The following OCA2 variants were observed in gnomAD, a reference collection of about 807,000 sequenced individuals.
OCA2 encodes OCA2 melanosomal transmembrane protein.
OCA2 carries 77 observed loss-of-function variants against 100.2 expected under a neutral mutation model. The observed-to-expected ratio is 0.77, with a 90% confidence interval of 0.64 to 0.93. The LOEUF (loss-of-function observed/expected upper bound fraction) is 0.93, where lower values mean the gene tolerates loss of function less well. Ranked by LOEUF, OCA2 falls within the 40% of genes least tolerant of loss-of-function variation. The pLI, the probability that OCA2 is intolerant of heterozygous loss-of-function variation, is 0.00. For missense variants in OCA2, 1,062 were observed against 1,089.1 expected (o/e 0.98, Z 0.35); for synonymous variants, 432 against 439.2 (o/e 0.98, Z 0.21).
chr15:27,970,405 T>G (rs140642162), intron 14 of OCA2, among the ~76,000 whole-genome samples: 8 of 151,560 alleles, frequency 5.3e-5, no homozygotes, highest in Admixed American at 2.6e-4. Flanking sequence ...GGAAAAGCAG[T>G]AGTGGAGGAG....
At chr15:28,005,052 G>A (rs1039751592) in intron 9 of OCA2, among the ~76,000 whole-genome samples, 3 of 152,058 alleles carry the variant, frequency 2.0e-5, no homozygotes, top group Admixed American at 1.3e-4. Context: ...TGCCGGCCTC[G>A]CCTCGCACTG....
intron 19 of OCA2, among the ~76,000 whole-genome samples, chr15:27,885,289 A>G (rs2037180097): frequency 6.6e-6 from 1 of 152,170 alleles, no homozygotes; most frequent in South Asian, 2.1e-4. Flanking sequence ...CCTGCCTATT[A>G]TCAGCACTAT....
chr15:27,912,433 T>A (rs1012617053), intron 19 of OCA2, among the ~76,000 whole-genome samples: 2 of 152,008 alleles, frequency 1.3e-5, no homozygotes, highest in East Asian at 3.8e-4. Context: ...TGAAAATTGA[T>A]GAGGATGTGT....
intron 19 of OCA2, chr15:27,896,076 G>A: frequency 8.4e-7 from 1 of 1,191,008 alleles, no homozygotes; most frequent in Non-Finnish European, 1.2e-6. Flanking sequence ...GACTGGCAAG[G>A]AATACAATGT....
At chr15:27,731,322 T>A in the OCA2 span, among the ~76,000 whole-genome samples, 1 of 152,222 alleles carries the variant, frequency 6.6e-6, no homozygotes, top group African/African-American at 2.4e-5. Context: ...TAGTTCTCAG[T>A]GAGAAAATTA....
At chr15:27,731,121 T>C in the OCA2 span, among the ~76,000 whole-genome samples, 16 of 152,304 alleles carry the variant, frequency 1.1e-4, no homozygotes, top group Admixed American at 2.0e-4. Flanking sequence ...GTTAGTACAC[T>C]GGCTGTAAGT....
At chr15:27,926,081 C>T (rs1441654579) in intron 19 of OCA2, 46 bp downstream of exon 19, 1 of 1,607,910 alleles carries the variant, frequency 6.2e-7, no homozygotes, top group Non-Finnish European at 8.5e-7. Context: ...ACATGAAATA[C>T]AAAAATCAGG....
intron 10 of OCA2, 87 bp from the exon 11 acceptor site, chr15:27,989,753 C>T (rs759256229): frequency 7.4e-5 from 89 of 1,210,222 alleles, no homozygotes; most frequent in Non-Finnish European, 1.0e-4. Flanking sequence ...CTGCTGCAGA[C>T]CCACTCAGTG....
At chr15:27,947,611 C>T (rs1350833173) in intron 18 of OCA2, among the ~76,000 whole-genome samples, 10 of 152,228 alleles carry the variant, frequency 6.6e-5, no homozygotes, top group Non-Finnish European at 1.5e-5. Context: ...GGTGCGGTCG[C>T]ATGGCCTCGG....
At chr15:27,776,059 G>C (rs1393983768) in intron 23 of OCA2, among the ~76,000 whole-genome samples, 7 of 152,242 alleles carry the variant, frequency 4.6e-5, no homozygotes, top group Admixed American at 6.5e-5. Context: ...CCAACATTGA[G>C]TTTAGTCCTT....
rs2043492641 is a variant in OCA2 at position 28,050,931 on chromosome 15, C to T, written c.228-18768G>A. 2.0e-5 allele frequency among the ~76,000 whole-genome samples: 3 copies of T among 152,136 alleles called. No individual in the cohort carries two copies. The South Asian group carries it at 6.2e-4, about 31-fold the overall frequency. ...CCCGCCCCATCCTTGCCCTGCAGCA[C>T]CCCTCCTCTGCCCTGCACCCCCTAC... On this transcript the variant is annotated intron_variant, in intron 2 of 23. Transcript: ENST00000354638.
chr15:27,843,984 T>C (rs1048001175), intron 23 of OCA2, among the ~76,000 whole-genome samples: 3 of 152,182 alleles, frequency 2.0e-5, no homozygotes, highest in Non-Finnish European at 2.9e-5. Flanking sequence ...CCTGTGCAAA[T>C]GTACAAAGAA....
intron 1 of OCA2, among the ~76,000 whole-genome samples, chr15:28,097,844 G>A (rs755957899): frequency 6.6e-6 from 1 of 152,178 alleles, no homozygotes; most frequent in Non-Finnish European, 1.5e-5. Flanking sequence ...CAGTGGGAAG[G>A]CCTTGGCAGT....
At chr15:27,993,004 G>A (rs1263139686) in intron 9 of OCA2, among the ~76,000 whole-genome samples, 2 of 152,106 alleles carry the variant, frequency 1.3e-5, no homozygotes, top group South Asian at 2.1e-4. Flanking sequence ...CACACCTATA[G>A]TCCCAGTGAC....
chr15:27,754,291 C>T (rs142209913), downstream of OCA2, among the ~76,000 whole-genome samples: 1 of 152,336 alleles, frequency 6.6e-6, no homozygotes, highest in Non-Finnish European at 1.5e-5. Flanking sequence ...GACACCCATC[C>T]TGAGGGCACC....
rs11283428 is a variant in OCA2 at position 28,022,387 on chromosome 15, G to GTGGGTGAGAA, written c.646+113_646+114insTTCTCACCCA. ...GACATCCTGGAGAAACAAAATTCGA[G>GTGGGTGAGAA]TGGTAATGGCCTGTGCCGTGGCCTT... On this transcript the variant is annotated intron_variant, in intron 6 of 23. Transcript: ENST00000354638. 0.34 allele frequency: 260,860 copies of GTGGGTGAGAA among 763,584 alleles called. 63,549 individuals carry two copies. Among genetic ancestry groups the GTGGGTGAGAA allele is most frequent in the East Asian group, 0.91 (35,191 of 38,870 alleles). 47.3% of individuals were successfully genotyped at this position (763,584 alleles called of 1,614,324 possible). A position where few individuals can be genotyped will look rare whatever the true frequency, so the allele number is the denominator to read the frequency against.
rs1195683880 is a variant in OCA2, at chr15:27,989,671, A to C, written c.1117-5T>G. 1.2e-6 allele frequency: 2 copies of C among 1,613,942 alleles called. No individual in the cohort carries two copies. Among genetic ancestry groups the C allele is most frequent in the African/African-American group, 1.3e-5 (1 of 74,918 alleles). ...CACATGGGTCAGGCTGGGTCTCTGC[A>C]ATCAAAGCACAAATTTGCCAATTAA... is the stretch of plus-strand genomic sequence containing the variant. On this transcript the variant is annotated splice_region_variant and splice_polypyrimidine_tract_variant and intron_variant, in intron 10 of 23. Transcript: ENST00000354638.
At chr15:27,945,401 A>G (rs528085420) in intron 18 of OCA2, among the ~76,000 whole-genome samples, 1 of 152,292 alleles carries the variant, frequency 6.6e-6, no homozygotes, top group East Asian at 1.9e-4. Flanking sequence ...TGATCAGGCA[A>G]GCACTATTCT....
chr15:27,810,714 C>T (rs553076520), intron 23 of OCA2, among the ~76,000 whole-genome samples: 2 of 152,216 alleles, frequency 1.3e-5, no homozygotes, highest in Admixed American at 6.5e-5. Context: ...GGGCAAAGGA[C>T]ATGAATAGAG....
Sources: gnomAD v4.1 joint callset for allele counts (sites outside exome capture counted in the v4.1 genomes callset) on GRCh38, gnomAD v4.1.1 for gene constraint, MANE v1.5 for transcripts, NCBI Gene and HGNC (gene_info 2026-07-23, HGNC 2026-07-21) for gene names.